The following FIP1L1 variants were observed in gnomAD, a reference collection of about 807,000 sequenced individuals.
FIP1L1 encodes the protein factor interacting with PAPOLA and CPSF1.
Under a neutral mutation model 84.6 loss-of-function variants are expected in FIP1L1, and 21 were observed. The ratio of observed to expected loss-of-function variants is 0.25; its 90% CI spans 0.18 to 0.36. The LOEUF is 0.36. Ranked by LOEUF, FIP1L1 falls within the 10% of genes least tolerant of loss-of-function variation. The probability of loss-of-function intolerance (pLI) is 1.00; values close to 1 mark genes in which losing one functional copy is unlikely to be tolerated. For missense variants in FIP1L1, 526 were observed against 751.1 expected, an observed-to-expected ratio of 0.70 and a Z score of 3.50; for synonymous variants, 263 against 242.3, an observed-to-expected ratio of 1.09 and a Z score of -0.80.
At chr4:53,448,977 T>A (rs1486751633) in intron 15 of FIP1L1, among the ~76,000 whole-genome samples, 1 of 152,178 alleles carries the variant, frequency 6.6e-6, no homozygotes, top group Non-Finnish European at 1.5e-5. Flanking sequence ...TTTGGTTGGT[T>A]ATTTTTATAG....
chr4:53,391,363 G>A lies in FIP1L1; in HGVS notation c.637-67G>A, dbSNP rs543557497. The A allele has an allele frequency of 3.3e-5, 45 of 1,378,960 alleles. 1 individual carries two copies. In the South Asian group the frequency reaches 4.3e-4, roughly 13 times the overall value. 85.4% of individuals were successfully genotyped at this position (1,378,960 alleles called of 1,614,324 possible). ...ATCACAGACTAGCCACAGCTAGTTTGTCTTTATATGGCCTATTAATTAAAT... is the reference window on the plus strand; with the variant it reads ...ATCACAGACTAGCCACAGCTAGTTTATCTTTATATGGCCTATTAATTAAAT... On this transcript the variant is annotated intron_variant, in intron 8 of 17. Transcript: ENST00000337488.
At chr4:53,418,519 T>C (rs1218969318) in intron 11 of FIP1L1, among the ~76,000 whole-genome samples, 2 of 152,206 alleles carry the variant, frequency 1.3e-5, no homozygotes, top group Non-Finnish European at 2.9e-5. Context: ...TTTTAACTCT[T>C]GTGAAACTAA....
intron 13 of FIP1L1, among the ~76,000 whole-genome samples, chr4:53,431,489 G>C (rs1259933619): frequency 6.6e-6 from 1 of 152,102 alleles, no homozygotes; most frequent in Non-Finnish European, 1.5e-5. Flanking sequence ...TAATTTAAAT[G>C]TATTTTAATG....
chr4:53,418,175 G>A (rs1161815077), intron 11 of FIP1L1, among the ~76,000 whole-genome samples: 2 of 152,102 alleles, frequency 1.3e-5, no homozygotes, highest in African/African-American at 2.4e-5. Flanking sequence ...TGTGGCCCCA[G>A]CTACCTGGGA....
In FIP1L1 at chr4:53,458,665, A is replaced by G; in HGVS notation, c.1512A>G (p.Arg504=). ...TPSVFNSDEE[R]YRYREYAERG... is the part of the protein sequence containing the mutation. ...ATTTCAATTTCAGCGATGAAGAACG[A>G]TACAGATACAGGGAATATGCAGAAA... Residue 504 remains arginine, a synonymous_variant, in exon 17 of 18, where the codon CGA becomes CGG. Transcript: ENST00000337488. The G allele has an allele frequency of 1.9e-6, 3 of 1,611,908 alleles. No individual in the cohort carries two copies. Among genetic ancestry groups the G allele is most frequent in the Non-Finnish European group, 2.5e-6 (3 of 1,178,866 alleles).
At chr4:53,453,870 T>C (rs1437162034) in intron 16 of FIP1L1, among the ~76,000 whole-genome samples, 1 of 152,212 alleles carries the variant, frequency 6.6e-6, no homozygotes. Context: ...TTTCCAAAAT[T>C]ATCCATTTTT....
chr4:53,423,769 TTA>T (rs928657743), intron 11 of FIP1L1, among the ~76,000 whole-genome samples: 6 of 152,332 alleles, frequency 3.9e-5, no homozygotes, highest in Non-Finnish European at 5.9e-5. Flanking sequence ...GATTTCTCAG[TTA>T]TATGTTTTTA....
chr4:53,427,607 C>A (rs563605016), intron 12 of FIP1L1, among the ~76,000 whole-genome samples: 22 of 152,230 alleles, frequency 1.4e-4, no homozygotes, highest in African/African-American at 5.1e-4. Context: ...TGACCTGCTG[C>A]CATGTTAATT....
At chr4:53,409,109 TC>T (rs1455590300) in intron 10 of FIP1L1, among the ~76,000 whole-genome samples, 1 of 152,182 alleles carries the variant, frequency 6.6e-6, no homozygotes, top group Non-Finnish European at 1.5e-5. Context: ...CTCTGTTTTT[TC>T]CCCATCTTTG....
chr4:53,430,248 C>G (rs41397545), intron 13 of FIP1L1, among the ~76,000 whole-genome samples: 6,910 of 151,166 alleles, frequency 0.046, 369 homozygotes, highest in African/African-American at 0.13. Flanking sequence ...TAAGAATATT[C>G]GAAACTCCGT....
At chr4:53,437,392 G>C (rs1257765372) in intron 13 of FIP1L1, among the ~76,000 whole-genome samples, 1 of 148,632 alleles carries the variant, frequency 6.7e-6, no homozygotes, top group South Asian at 2.2e-4. Flanking sequence ...ATGCCAGATG[G>C]TGTAGGCTCT....
chr4:53,406,299 G>T (rs1377720405), intron 10 of FIP1L1, among the ~76,000 whole-genome samples: 1 of 152,148 alleles, frequency 6.6e-6, no homozygotes, highest in Non-Finnish European at 1.5e-5. Context: ...CTGTTTATAT[G>T]CTGAATTACA....
chr4:53,439,533 T>C (rs1770958264), intron 13 of FIP1L1, among the ~76,000 whole-genome samples: 1 of 152,118 alleles, frequency 6.6e-6, no homozygotes, highest in African/African-American at 2.4e-5. Context: ...AGAAAACATT[T>C]GAAAACAATT....
intron 15 of FIP1L1, among the ~76,000 whole-genome samples, chr4:53,448,711 A>G (rs1384073840): frequency 6.6e-6 from 1 of 152,080 alleles, no homozygotes; most frequent in African/African-American, 2.4e-5. Flanking sequence ...CCATATTGCA[A>G]TTGCACTGAT....
At chr4:53,400,597 G>A (rs373210478) in intron 10 of FIP1L1, among the ~76,000 whole-genome samples, 2 of 152,212 alleles carry the variant, frequency 1.3e-5, no homozygotes, top group African/African-American at 4.8e-5. Flanking sequence ...ATTTTATATA[G>A]TTTTCTGTTT....
chr4:53,380,601 A>G (rs1737315910), intron 3 of FIP1L1, among the ~76,000 whole-genome samples: 1 of 152,198 alleles, frequency 6.6e-6, no homozygotes, highest in Admixed American at 6.5e-5. Context: ...AAAAAGTGAG[A>G]AATGGAAGTA....
intron 13 of FIP1L1, among the ~76,000 whole-genome samples, chr4:53,430,965 C>G (rs1159793363): frequency 1.3e-5 from 2 of 152,136 alleles, no homozygotes; most frequent in Non-Finnish European, 2.9e-5. Context: ...GAAGTTGAGA[C>G]TCTCTGAATT....
chr4:53,453,565 A>G (rs58860516), intron 16 of FIP1L1, among the ~76,000 whole-genome samples: 16,728 of 152,200 alleles, frequency 0.11, 1,063 homozygotes, highest in East Asian at 0.16. Flanking sequence ...GCACTCTTAC[A>G]TTGGAAGAAG....
At position 53,459,297 on chromosome 4, in the gene FIP1L1, T is replaced by TTTTG; in HGVS notation, c.1638-5_1638-4insTTTG. The TTTTG allele has an allele frequency of 6.8e-7, 1 of 1,479,526 alleles. No homozygotes were observed. The highest frequency in any genetic ancestry group is 9.1e-7 in the Non-Finnish European group (1 of 1,102,576). 91.6% of individuals were successfully genotyped at this position (1,479,526 alleles called of 1,614,324 possible). The stretch of plus-strand genomic sequence containing the variant: ...CACACCTTTTTTTTTTTTTTTTTTT[T>TTTTG]CCAGTAATAGTAGACGTCGCCATGA... On this transcript the variant is annotated splice_region_variant and splice_polypyrimidine_tract_variant and intron_variant, in intron 17 of 17. Coordinates refer to ENST00000337488, the MANE Select transcript of FIP1L1 (RefSeq NM_030917.4).
Sources: gnomAD v4.1 joint callset for allele counts (sites outside exome capture counted in the v4.1 genomes callset) on GRCh38, gnomAD v4.1.1 for gene constraint, MANE v1.5 for transcripts, NCBI Gene and HGNC (gene_info 2026-07-23, HGNC 2026-07-21) for gene names.